CTNNA2: variants seen among roughly 807,000 people sequenced by gnomAD.
CTNNA2 encodes the protein catenin alpha-2.
Under a neutral mutation model 101.0 loss-of-function variants are expected in CTNNA2, and 42 were observed. The ratio of observed to expected loss-of-function variants is 0.42; its 90% CI spans 0.32 to 0.54. The LOEUF is 0.54. CTNNA2 is among the 20% of genes least tolerant of loss of function. The pLI is 0.14. For synonymous variants in CTNNA2, 450 were observed against 456.4 expected (o/e 0.99, Z 0.18); for missense variants, 871 against 1,223.1 (o/e 0.71, Z 4.29).
intron 4 of CTNNA2, among the ~76,000 whole-genome samples, chr2:79,470,273 C>T: frequency 1.3e-5 from 2 of 152,162 alleles, no homozygotes; most frequent in East Asian, 1.9e-4. Flanking sequence ...GAGGCTTAGG[C>T]GGGAGGAGCA....
intron 4 of CTNNA2, among the ~76,000 whole-genome samples, chr2:79,396,817 C>A (rs1678237367): frequency 6.6e-6 from 1 of 152,040 alleles, no homozygotes; most frequent in Non-Finnish European, 1.5e-5. Flanking sequence ...TAAAATTGGG[C>A]AAAAAATAAC....
intron 2 of CTNNA2, among the ~76,000 whole-genome samples, chr2:79,251,304 G>T (rs893869206): frequency 6.6e-6 from 1 of 152,134 alleles, no homozygotes; most frequent in African/African-American, 2.4e-5. Context: ...CTGCTGCAGG[G>T]TCTCCCTACT....
intron 3 of CTNNA2, among the ~76,000 whole-genome samples, chr2:79,326,567 T>C (rs757541761): frequency 6.6e-6 from 1 of 152,162 alleles, no homozygotes; most frequent in Non-Finnish European, 1.5e-5. Context: ...GCCATAGGAA[T>C]GGGCTAGTCA....
chr2:80,485,051 A>G (rs1391005473), intron 9 of CTNNA2, among the ~76,000 whole-genome samples: 1 of 152,120 alleles, frequency 6.6e-6, no homozygotes, highest in African/African-American at 2.4e-5. Flanking sequence ...CTATGAATGA[A>G]TCTTAAAAAT....
chr2:79,658,327 A>G (rs550924101), intron 2 of CTNNA2, among the ~76,000 whole-genome samples: 2 of 152,096 alleles, frequency 1.3e-5, no homozygotes, highest in African/African-American at 4.8e-5. Context: ...TCATAACAGT[A>G]TTGAAAGGAC....
At chr2:79,763,448 T>C (rs1427793314) in intron 3 of CTNNA2, among the ~76,000 whole-genome samples, 1 of 152,214 alleles carries the variant, frequency 6.6e-6, no homozygotes, top group East Asian at 1.9e-4. Context: ...TTTTGGTGTT[T>C]ATGATTTGTA....
intron 4 of CTNNA2, among the ~76,000 whole-genome samples, chr2:79,428,668 T>C (rs1678618527): frequency 6.6e-6 from 1 of 152,110 alleles, no homozygotes; most frequent in Admixed American, 6.6e-5. Flanking sequence ...GTGTAAAGCA[T>C]GCCTCAGCGT....
At chr2:79,588,519 A>G (rs191923891) in intron 1 of CTNNA2, among the ~76,000 whole-genome samples, 2 of 152,198 alleles carry the variant, frequency 1.3e-5, no homozygotes, top group African/African-American at 2.4e-5. Context: ...ATTTCTTATA[A>G]CTAAATGATA....
chr2:80,311,014 G>A (rs1487169077), intron 7 of CTNNA2, among the ~76,000 whole-genome samples: 1 of 150,874 alleles, frequency 6.6e-6, no homozygotes, highest in Non-Finnish European at 1.5e-5. Flanking sequence ...ACACAGAAGT[G>A]ACAAAAATTA....
rs769079282 is a variant in CTNNA2, at chr2:80,589,432, T to C, written c.2136T>C (p.Ile712=). The C allele has an allele frequency of 1.2e-6, 2 of 1,614,076 alleles. No homozygotes were observed. Among genetic ancestry groups the C allele is most frequent in the South Asian group, 1.1e-5 (1 of 91,080 alleles). The stretch of plus-strand genomic sequence containing the variant: ...GGGACGACAGCGGCAATGATATCAT[T>C]GTACTGGCCAAGCAGATGTGTATGA... The part of the protein sequence containing the change: ...AKWDDSGNDI[I]VLAKQMCMIM... The change falls in exon 15 of 19, where the codon ATT becomes ATC. Residue 712 remains isoleucine (I), a synonymous_variant. Coordinates refer to ENST00000402739, the MANE Select transcript of CTNNA2 (RefSeq NM_001282597.3).
intron 17 of CTNNA2, among the ~76,000 whole-genome samples, chr2:80,616,718 T>G (rs12467559): frequency 0.57 from 85,976 of 151,418 alleles, 24,761 homozygotes; most frequent in African/African-American, 0.64. Flanking sequence ...TAGAGCTTAG[T>G]TTTCATGAAA....
chr2:79,635,288 C>T (rs1025557758), intron 1 of CTNNA2, among the ~76,000 whole-genome samples: 5 of 151,680 alleles, frequency 3.3e-5, no homozygotes, highest in African/African-American at 7.3e-5. Flanking sequence ...AAAAATTAGC[C>T]GGGCGCGGTG....
At chr2:79,295,809 T>C (rs992170186) in intron 2 of CTNNA2, among the ~76,000 whole-genome samples, 1 of 152,074 alleles carries the variant, frequency 6.6e-6, no homozygotes, top group Admixed American at 6.5e-5. Context: ...TTCTTCTTCC[T>C]AAAATACAAC....
intron 15 of CTNNA2, among the ~76,000 whole-genome samples, chr2:80,594,300 G>A (rs1696760707): frequency 6.6e-6 from 1 of 151,994 alleles, no homozygotes. Flanking sequence ...TTGGAACAAT[G>A]TCTATCCAAG....
At chr2:79,371,845 G>T (rs955645411) in intron 3 of CTNNA2, among the ~76,000 whole-genome samples, 7 of 152,100 alleles carry the variant, frequency 4.6e-5, no homozygotes, top group African/African-American at 9.7e-5. Flanking sequence ...CACTACCCAG[G>T]ACTCCTGGTG....
chr2:80,013,793 T>G (rs1398306432), intron 7 of CTNNA2, among the ~76,000 whole-genome samples: 1 of 152,192 alleles, frequency 6.6e-6, no homozygotes, highest in African/African-American at 2.4e-5. Context: ...TACTTACTTA[T>G]GAAAGTCAAA....
chr2:80,368,845 A>ATGTG (rs1289814124), intron 7 of CTNNA2, among the ~76,000 whole-genome samples: 3 of 128,336 alleles, frequency 2.3e-5, no homozygotes, highest in African/African-American at 3.8e-5. Flanking sequence ...GTGTGTGTAT[A>ATGTG]TATGTGTGTG....
rs554706469 is a variant in CTNNA2 at position 79,383,772 on chromosome 2, G to A, written c.-135+9759G>A. On this transcript the variant is annotated intron_variant, in intron 4 of 21. Coordinates refer to the CTNNA2 transcript ENST00000466387. ...TCCTGAATTCCATGTGATTTGAAAA[G>A]CATTTGTTTCCTTAATCAAATACTG... Among the ~76,000 whole-genome samples the A allele has an allele frequency of 2.8e-4, 43 of 152,296 alleles. 2 individuals are homozygous for A. In the South Asian group the frequency reaches 3.9e-3, roughly 14 times the overall value.
At chr2:79,209,769 C>T (rs571636162) in intron 2 of CTNNA2, among the ~76,000 whole-genome samples, 2 of 29,944 alleles carry the variant, frequency 6.7e-5, no homozygotes, top group African/African-American at 1.5e-3. Context: ...AGATTTTGCC[C>T]AACTACATCA....
Sources: gnomAD v4.1 joint callset for allele counts (sites outside exome capture counted in the v4.1 genomes callset) on GRCh38, gnomAD v4.1.1 for gene constraint, MANE v1.5 for transcripts, NCBI Gene and HGNC (gene_info 2026-07-23, HGNC 2026-07-21) for gene names.